KCNJ6: variants seen among roughly 807,000 people sequenced by gnomAD.
KCNJ6 encodes the protein G protein-activated inward rectifier potassium channel 2.
In KCNJ6, 9 loss-of-function variants were observed where a neutral mutation model predicts 34.2. The observed-to-expected ratio is 0.26, with a 90% CI of 0.16 to 0.46. The LOEUF (loss-of-function observed/expected upper bound fraction) is 0.46. Among genes scored for constraint, KCNJ6 ranks in the 20% least tolerant of loss-of-function variants. The pLI is 1.00. For missense variants in KCNJ6, 236 were observed against 531.3 expected, an observed-to-expected ratio of 0.44 and a Z score of 5.46; for synonymous variants, 196 against 207.1, an observed-to-expected ratio of 0.95 and a Z score of 0.46.
Position 37,667,753 on chromosome 21 carries a change from C to T in KCNJ6, c.947-42269G>A, listed in dbSNP as rs575414289. On this transcript the variant is annotated intron_variant, in intron 3 of 3. Coordinates refer to ENST00000609713, the MANE Select transcript of KCNJ6 (RefSeq NM_002240.5). ...GATCACAGGGTGCCAGTAGCAGAGTCCTCTCACCCCATTGTGACATCCAAA... is the reference window on the plus strand; with the variant it reads ...GATCACAGGGTGCCAGTAGCAGAGTTCTCTCACCCCATTGTGACATCCAAA... Among the ~76,000 whole-genome samples, 7 of 152,130 alleles carry T rather than the reference C, an allele frequency of 4.6e-5. No individual in the cohort carries two copies. In the South Asian group the frequency reaches 1.0e-3, roughly 23 times the overall value.
intron 2 of KCNJ6, among the ~76,000 whole-genome samples, chr21:37,764,270 C>T (rs144182849): frequency 3.0e-3 from 448 of 151,852 alleles, no homozygotes; most frequent in African/African-American, 0.01. Context: ...GCTGAGAAAA[C>T]GGAAAGGTGT....
chr21:37,756,218 C>G (rs1249365431), intron 2 of KCNJ6, among the ~76,000 whole-genome samples: 1 of 151,908 alleles, frequency 6.6e-6, no homozygotes. Flanking sequence ...TCATTAAAAA[C>G]CAACAAAAGT....
At chr21:37,731,016 G>C (rs2054881454) in intron 2 of KCNJ6, among the ~76,000 whole-genome samples, 1 of 152,192 alleles carries the variant, frequency 6.6e-6, no homozygotes, top group Non-Finnish European at 1.5e-5. Flanking sequence ...ATTCGGTGGG[G>C]ATAGGAGATT....
chr21:37,818,631 A>T (rs147949992), intron 2 of KCNJ6, among the ~76,000 whole-genome samples: 39 of 152,126 alleles, frequency 2.6e-4, no homozygotes, highest in African/African-American at 7.0e-4. Context: ...GTCTCCCCCA[A>T]CCCAACTGCC....
At chr21:37,722,792 A>T (rs857954) in intron 2 of KCNJ6, among the ~76,000 whole-genome samples, 4,243 of 152,336 alleles carry the variant, frequency 0.028, 83 homozygotes, top group Non-Finnish European at 0.043. Context: ...AACTCAATAT[A>T]GATTAAAAGT....
chr21:37,732,732 C>A (rs2054892279), intron 2 of KCNJ6, among the ~76,000 whole-genome samples: 1 of 152,206 alleles, frequency 6.6e-6, no homozygotes, highest in Non-Finnish European at 1.5e-5. Context: ...CACAAACCCG[C>A]TTCTCTTAAG....
At chr21:37,831,709 T>C (rs377552911) in intron 2 of KCNJ6, among the ~76,000 whole-genome samples, 163 of 152,204 alleles carry the variant, frequency 1.1e-3, no homozygotes, top group African/African-American at 3.1e-3. Flanking sequence ...CTGCCTCCAG[T>C]CCTGTAGCTC....
At chr21:37,897,533 T>C (rs1185760420) in intron 1 of KCNJ6, among the ~76,000 whole-genome samples, 3 of 152,224 alleles carry the variant, frequency 2.0e-5, no homozygotes, top group Non-Finnish European at 4.4e-5. Flanking sequence ...AGAGGCCACC[T>C]ATGGTCCTGA....
intron 3 of KCNJ6, among the ~76,000 whole-genome samples, chr21:37,700,345 G>C (rs1410251845): frequency 6.6e-6 from 1 of 152,190 alleles, no homozygotes; most frequent in Non-Finnish European, 1.5e-5. Context: ...TGCAGGCCAG[G>C]GTTGAAATAA....
At chr21:37,786,216 T>C (rs1458036983) in intron 2 of KCNJ6, among the ~76,000 whole-genome samples, 1 of 152,200 alleles carries the variant, frequency 6.6e-6, no homozygotes, top group African/African-American at 2.4e-5. Context: ...GTCTTGGTGA[T>C]AGGATGCTGA....
At chr21:37,764,449 G>C (rs921152912) in intron 2 of KCNJ6, among the ~76,000 whole-genome samples, 1 of 150,220 alleles carries the variant, frequency 6.7e-6, no homozygotes, top group African/African-American at 2.5e-5. Context: ...CACAATCTTA[G>C]CTCACTGCAA....
At position 37,714,131 on chromosome 21, in the gene KCNJ6, C is replaced by T; in HGVS notation, c.946+80G>A. 1 of 1,003,168 alleles carries T rather than the reference C, an allele frequency of 1.0e-6. No individual in the cohort carries two copies. The highest frequency in any genetic ancestry group is 1.5e-6 in the Non-Finnish European group (1 of 658,278). 62.1% of individuals were successfully genotyped at this position (1,003,168 alleles called of 1,614,324 possible). On this transcript the variant is annotated intron_variant, in intron 3 of 3. Coordinates refer to ENST00000609713, the MANE Select transcript of KCNJ6 (RefSeq NM_002240.5). The surrounding 1 kb of genome is among the most constrained non-coding windows in gnomAD (Gnocchi z 5.9). Reference sequence around the variant, plus strand: ...TTGAGTGAGGTTCAGTATTCTAGATCTTGTAATAGATAAGAACATCAGGTC... The same window carrying T: ...TTGAGTGAGGTTCAGTATTCTAGATTTTGTAATAGATAAGAACATCAGGTC...
At chr21:37,876,341 TAAC>T (rs1283439823) in intron 1 of KCNJ6, among the ~76,000 whole-genome samples, 1 of 151,984 alleles carries the variant, frequency 6.6e-6, no homozygotes, top group African/African-American at 2.4e-5. Context: ...GTCACCCAAT[TAAC>T]AAAAAAGAGA....
intron 2 of KCNJ6, among the ~76,000 whole-genome samples, chr21:37,732,075 C>T (rs530373602): frequency 6.6e-6 from 1 of 152,278 alleles, no homozygotes; most frequent in East Asian, 1.9e-4. Flanking sequence ...AAGCATGACA[C>T]CTAGTTTTCC....
chr21:37,725,445 A>G (rs754214721), intron 2 of KCNJ6, among the ~76,000 whole-genome samples: 1 of 152,210 alleles, frequency 6.6e-6, no homozygotes, highest in Non-Finnish European at 1.5e-5. Context: ...TGGCAAAGGA[A>G]AGCAATACAA....
intron 3 of KCNJ6, among the ~76,000 whole-genome samples, chr21:37,627,777 G>A (rs1315255401): frequency 2.7e-5 from 4 of 147,438 alleles, no homozygotes; most frequent in African/African-American, 7.6e-5. Context: ...GGTTGACACC[G>A]AGTCTCTGTG....
At chr21:37,633,035 GA>G (rs976779699) in intron 3 of KCNJ6, among the ~76,000 whole-genome samples, 5 of 151,658 alleles carry the variant, frequency 3.3e-5, no homozygotes, top group South Asian at 2.1e-4. Flanking sequence ...AAGAAAGAGA[GA>G]AAAAAAGGGA....
At chr21:37,717,842 A>G (rs2054801881) in intron 2 of KCNJ6, among the ~76,000 whole-genome samples, 1 of 152,184 alleles carries the variant, frequency 6.6e-6, no homozygotes, top group African/African-American at 2.4e-5. Flanking sequence ...GTGATATATC[A>G]TACTTAAAAA....
At chr21:37,803,015 C>G (rs2055276639) in intron 2 of KCNJ6, among the ~76,000 whole-genome samples, 1 of 152,224 alleles carries the variant, frequency 6.6e-6, no homozygotes, top group African/African-American at 2.4e-5. Context: ...GCAGGGCTTT[C>G]CGACCTGGCA....
Sources: gnomAD v4.1 joint callset for allele counts (sites outside exome capture counted in the v4.1 genomes callset) on GRCh38, gnomAD v4.1.1 for gene constraint, Gnocchi (gnomAD v3.1) non-coding constraint, MANE v1.5 for transcripts, NCBI Gene and HGNC (gene_info 2026-07-23, HGNC 2026-07-21) for gene names.